Variants in ZC3HAV1 observed in about 807,000 individuals in gnomAD.
The protein encoded by ZC3HAV1 is zinc finger CCCH-type containing, antiviral 1, also known as zinc finger CCCH-type antiviral protein 1.
ZC3HAV1 carries 41 observed loss-of-function variants against 86.6 expected under a neutral mutation model. The ratio of observed to expected loss-of-function variants is 0.47; its 90% CI spans 0.37 to 0.61. ZC3HAV1 has a LOEUF of 0.61. Ranked by LOEUF, ZC3HAV1 falls within the 20% of genes least tolerant of loss-of-function variation. The probability of loss-of-function intolerance (pLI) is 0.00; values close to 1 mark genes in which losing one functional copy is unlikely to be tolerated. For synonymous variants in ZC3HAV1, 421 were observed against 432.1 expected, an observed-to-expected ratio of 0.97 and a Z score of 0.32; for missense variants, 964 against 1,141.1, an observed-to-expected ratio of 0.84 and a Z score of 2.24.
rs185219757 is a variant in ZC3HAV1 at position 139,098,134 on chromosome 7, G to C, written c.309-8375C>G. 4.4e-4 allele frequency among the ~76,000 whole-genome samples: 67 copies of C among 151,890 alleles called. 1 individual carries two copies. The highest frequency in any genetic ancestry group is 3.6e-3 in the Admixed American group (55 of 15,248). ...TAAATTTTTTTTTGTTTTTTTAGTA[G>C]AGATGGGGTTCCACCATCTCTGGTG... On this transcript the variant is annotated intron_variant, in intron 1 of 12. Coordinates refer to ENST00000242351, the MANE Select transcript of ZC3HAV1 (RefSeq NM_020119.4).
intron 4 of ZC3HAV1, chr7:139,079,083 C>T (rs1323913506): frequency 3.3e-6 from 5 of 1,535,432 alleles, no homozygotes; most frequent in African/African-American, 1.4e-5. Context: ...ACAGAGGCCC[C>T]TTTGTCCTTC....
At chr7:139,083,588 GT>G (rs1275718310) in intron 3 of ZC3HAV1, among the ~76,000 whole-genome samples, 191 bp downstream of exon 3, 3 of 152,174 alleles carry the variant, frequency 2.0e-5, no homozygotes, top group Admixed American at 1.3e-4. Context: ...TTAGCTGGGT[GT>G]GGTGGTGCAC....
At position 139,073,918 on chromosome 7, in the gene ZC3HAV1, T is replaced by C. The variant is rs1429782165; in HGVS notation, c.1810A>G (p.Thr604Ala). 2.5e-6 allele frequency: 4 copies of C among 1,614,020 alleles called. No individual in the cohort carries two copies. Among genetic ancestry groups the C allele is most frequent in the African/African-American group, 1.3e-5 (1 of 75,050 alleles). Residue 604 changes from threonine to alanine, a missense_variant, in exon 7 of 13, where the codon ACC becomes GCC. Thr to Ala is a moderately conservative substitution (Grantham distance 58, BLOSUM62 0). Coordinates refer to ENST00000242351, the MANE Select transcript of ZC3HAV1 (RefSeq NM_020119.4). ...SVTKPANSVFTTKWIWYWKNE... is the reference protein window; with the variant it reads ...SVTKPANSVFATKWIWYWKNE... ...TTCCAATACCAAATCCATTTGGTGG[T>C]GAAGACAGAATTGGCTGGCTTGGTG...
In ZC3HAV1 at chr7:139,100,801, TCTCCCTCTCCCTCTCTTTCCAC is replaced by T. The variant is rs1247898346; in HGVS notation, c.308+8201_308+8222del. ...TCTCCCTCTCCCTCTCTTTCCACGG[TCTCCCTCTCCCTCTCTTTCCAC>T]GGTCTCCCTCTCCCTCTCTTTCCAC... On this transcript the variant is annotated intron_variant, in intron 1 of 12. Coordinates refer to ENST00000242351, the MANE Select transcript of ZC3HAV1 (RefSeq NM_020119.4). 1.4e-3 allele frequency among the ~76,000 whole-genome samples: 214 copies of T among 150,206 alleles called. 2 individuals carry two copies. Among genetic ancestry groups the T allele is most frequent in the African/African-American group, 5.2e-3 (205 of 39,720 alleles).
At position 139,073,487 on chromosome 7, in the gene ZC3HAV1, TTTTA is replaced by T. The variant is rs889795724; in HGVS notation, c.1872+365_1872+368del. ...CATTTTATTAATAGTGTTCTTTTTA[TTTTA>T]TTTATTTATTTATTTTGGAGACAGA... is the stretch of plus-strand genomic sequence containing the variant. On this transcript the variant is annotated intron_variant, in intron 7 of 12. Coordinates refer to ENST00000242351, the MANE Select transcript of ZC3HAV1 (RefSeq NM_020119.4). Among the ~76,000 whole-genome samples, 197 of 152,002 alleles carry T rather than the reference TTTTA, an allele frequency of 1.3e-3. 1 individual carries two copies. The highest frequency in any genetic ancestry group is 4.4e-3 in the African/African-American group (184 of 41,476).
chr7:139,106,443 T>C (rs1468978871), intron 1 of ZC3HAV1, among the ~76,000 whole-genome samples: 1 of 151,972 alleles, frequency 6.6e-6, no homozygotes, highest in South Asian at 2.1e-4. Flanking sequence ...CGAAACCCCA[T>C]CTCTACTAAA....
At chr7:139,063,043 AAAAAAAAAG>A in intron 8 of ZC3HAV1, among the ~76,000 whole-genome samples, 1 of 150,440 alleles carries the variant, frequency 6.6e-6, no homozygotes, top group East Asian at 1.9e-4. Context: ...AAAAAAAAAA[AAAAAAAAAG>A]AAAGAAAGAA....
rs1329760314 is a variant in ZC3HAV1, at chr7:139,108,677, G to T, written c.308+347C>A. 6.6e-6 allele frequency among the ~76,000 whole-genome samples: 1 copy of T among 152,182 alleles called. No homozygotes were observed. Among genetic ancestry groups the T allele is most frequent in the Non-Finnish European group, 1.5e-5 (1 of 68,024 alleles). On this transcript the variant is annotated intron_variant, in intron 1 of 12. Coordinates refer to ENST00000242351, the MANE Select transcript of ZC3HAV1 (RefSeq NM_020119.4). This position sits in a 1 kb window ranked among gnomAD's most constrained non-coding sequence, Gnocchi z 4.2. ...GGCTCTTTCCTTCCTTCCCAAACCT[G>T]CCTACCGCTTCTCTAGGCCCTGGCT...
At chr7:139,068,188 T>C (rs1816664491) in intron 7 of ZC3HAV1, among the ~76,000 whole-genome samples, 1 of 151,844 alleles carries the variant, frequency 6.6e-6, no homozygotes, top group Non-Finnish European at 1.5e-5. Flanking sequence ...GCCTCCCGAA[T>C]AGCTGGGATT....
intron 2 of ZC3HAV1, among the ~76,000 whole-genome samples, chr7:139,087,020 G>A (rs79458798): frequency 0.065 from 9,880 of 152,258 alleles, 354 homozygotes; most frequent in African/African-American, 0.08. Context: ...GGAACTCAAC[G>A]TAGATGTGTG....
chr7:139,107,103 A>C (rs1235646301), intron 1 of ZC3HAV1, among the ~76,000 whole-genome samples: 1 of 152,232 alleles, frequency 6.6e-6, no homozygotes, highest in South Asian at 2.1e-4. Context: ...CAGAAAAAAC[A>C]TAACAAAGCC....
At chr7:139,056,379 GTTT>G (rs56128644) in intron 9 of ZC3HAV1, among the ~76,000 whole-genome samples, 6 of 130,402 alleles carry the variant, frequency 4.6e-5, no homozygotes, top group African/African-American at 1.4e-4. Flanking sequence ...TGTTTTTATT[GTTT>G]TTTTTTTTTC....
intron 2 of ZC3HAV1, among the ~76,000 whole-genome samples, chr7:139,087,716 A>G (rs2130716649): frequency 1.3e-5 from 2 of 152,216 alleles, no homozygotes; most frequent in South Asian, 4.1e-4. Context: ...AGTCCCCAAC[A>G]GCTATCTCAT....
At chr7:139,056,345 C>T (rs1188996454) in intron 9 of ZC3HAV1, among the ~76,000 whole-genome samples, 1 of 149,340 alleles carries the variant, frequency 6.7e-6, no homozygotes, top group Non-Finnish European at 1.5e-5. Context: ...TTGGAAAATT[C>T]TATAGGTCAA....
rs1815994575 is a variant in ZC3HAV1, at chr7:139,047,533, A to G, written c.*61T>C. 3 of 1,604,108 alleles carry G rather than the reference A, an allele frequency of 1.9e-6. No homozygotes were observed. The Admixed American group carries it at 5.2e-5, about 28-fold the overall frequency. ...AAAACTTTAACTCCTGTCTGCGGCA[A>G]TTTAGTTCTGTAAAGGAACAGAATG... On this transcript the variant is annotated 3_prime_UTR_variant, in exon 13 of 13. Coordinates refer to ENST00000242351, the MANE Select transcript of ZC3HAV1 (RefSeq NM_020119.4).
In ZC3HAV1 at chr7:139,108,824, C is replaced by G. The variant is rs961687336; in HGVS notation, c.308+200G>C. ...TTCTCGAGAAAATGTCTGGAGGTGC[C>G]GGAAGGAAGGGAACTGCAAAGGTAG... On this transcript the variant is annotated intron_variant, in intron 1 of 12. Transcript: ENST00000242351. This position sits in a 1 kb window ranked among gnomAD's most constrained non-coding sequence, Gnocchi z 4.2. Among the ~76,000 whole-genome samples, 1 of 152,164 alleles carries G rather than the reference C, an allele frequency of 6.6e-6. No homozygotes were observed. The highest frequency in any genetic ancestry group is 2.4e-5 in the African/African-American group (1 of 41,452).
At chr7:139,058,407 T>C (rs1403031047) in intron 9 of ZC3HAV1, among the ~76,000 whole-genome samples, 2 of 146,570 alleles carry the variant, frequency 1.4e-5, no homozygotes, top group Non-Finnish European at 3.0e-5. Flanking sequence ...TGAGCTGTGA[T>C]TGCGCCACTG....
At chr7:139,103,661 A>G (rs917719049) in intron 1 of ZC3HAV1, among the ~76,000 whole-genome samples, 1 of 152,240 alleles carries the variant, frequency 6.6e-6, no homozygotes, top group Non-Finnish European at 1.5e-5. Flanking sequence ...AACCATGAGC[A>G]CCAGGAAACA....
intron 1 of ZC3HAV1, among the ~76,000 whole-genome samples, chr7:139,099,996 T>TA (rs1348467203): frequency 2.7e-5 from 4 of 150,576 alleles, no homozygotes; most frequent in South Asian, 2.1e-4. Context: ...TTTAAAATGG[T>TA]AAAAAACAAA....
Sources: gnomAD v4.1 joint callset for allele counts (sites outside exome capture counted in the v4.1 genomes callset) on GRCh38, gnomAD v4.1.1 for gene constraint, Gnocchi (gnomAD v3.1) non-coding constraint, MANE v1.5 for transcripts, NCBI Gene and HGNC (gene_info 2026-07-23, HGNC 2026-07-21) for gene names.